CCDC60: variants seen among roughly 807,000 people sequenced by gnomAD.
The protein encoded by CCDC60 is coiled-coil domain containing 60, also known as coiled-coil domain-containing protein 60.
In CCDC60, 54 loss-of-function variants were observed where a neutral mutation model predicts 63.5. That is an observed-to-expected ratio of 0.85 (90% CI 0.68 to 1.07). The LOEUF is 1.07. Among genes scored for constraint, CCDC60 ranks in the 50% least tolerant of loss-of-function variants. CCDC60 has a pLI of 0.00. For synonymous variants in CCDC60, 206 were observed against 238.8 expected, an observed-to-expected ratio of 0.86 and a Z score of 1.27; for missense variants, 651 against 684.3, an observed-to-expected ratio of 0.95 and a Z score of 0.54.
chr12:119,431,897 T>C (rs1950236073), intron 2 of CCDC60, among the ~76,000 whole-genome samples: 1 of 152,194 alleles, frequency 6.6e-6, no homozygotes, highest in African/African-American at 2.4e-5. Context: ...GCCAGGATGA[T>C]CTCGATCTCC....
intron 6 of CCDC60, among the ~76,000 whole-genome samples, chr12:119,504,016 T>C (rs1192850399): frequency 4.6e-5 from 7 of 152,326 alleles, no homozygotes; most frequent in Admixed American, 4.6e-4. Context: ...TTGAGCTCTT[T>C]CTCTGGGGCA....
At chr12:119,394,551 C>T (rs990261285) in intron 1 of CCDC60, among the ~76,000 whole-genome samples, 1 of 152,150 alleles carries the variant, frequency 6.6e-6, no homozygotes, top group Non-Finnish European at 1.5e-5. Context: ...CTAGTTACTC[C>T]CAGAATGAAT....
intron 4 of CCDC60, among the ~76,000 whole-genome samples, chr12:119,481,438 A>G (rs148876122): frequency 2.2e-3 from 338 of 152,210 alleles, no homozygotes; most frequent in African/African-American, 7.7e-3. Flanking sequence ...CTGAGAATGC[A>G]TATTCCTGAG....
Position 119,349,643 on chromosome 12 carries a change from G to A in CCDC60, c.90+14377G>A, listed in dbSNP as rs1004475099. On this transcript the variant is annotated intron_variant, in intron 1 of 13. Coordinates refer to ENST00000327554, the MANE Select transcript of CCDC60 (RefSeq NM_178499.5). ...CGTGAGCCACTGCGCCTGGCCCAGG[G>A]CGTGTTTCAAGGACACCCTGTTCAC... 2.0e-5 allele frequency among the ~76,000 whole-genome samples: 3 copies of A among 152,026 alleles called. No individual in the cohort carries two copies. The South Asian group carries it at 6.2e-4, about 32-fold the overall frequency.
chr12:119,487,383 C>T (rs990012555), intron 4 of CCDC60, among the ~76,000 whole-genome samples: 5 of 151,762 alleles, frequency 3.3e-5, no homozygotes, highest in African/African-American at 9.7e-5. Flanking sequence ...CTGCCACCTC[C>T]GCCTCTCAGG....
chr12:119,468,548 A>G (rs995572271), intron 2 of CCDC60, among the ~76,000 whole-genome samples: 1 of 152,230 alleles, frequency 6.6e-6, no homozygotes, highest in African/African-American at 2.4e-5. Flanking sequence ...GCTGAGAAGC[A>G]GGATTTAAAT....
intron 4 of CCDC60, among the ~76,000 whole-genome samples, chr12:119,487,002 T>C (rs1174678320): frequency 6.6e-6 from 1 of 151,962 alleles, no homozygotes; most frequent in Non-Finnish European, 1.5e-5. Context: ...GGAGAAATCT[T>C]GCGGGGAGGG....
At chr12:119,526,781 G>A (rs1479072618) in intron 11 of CCDC60, among the ~76,000 whole-genome samples, 1 of 152,174 alleles carries the variant, frequency 6.6e-6, no homozygotes, top group Non-Finnish European at 1.5e-5. Flanking sequence ...GTGAGGTCAT[G>A]GAGAAAAAGG....
intron 2 of CCDC60, among the ~76,000 whole-genome samples, chr12:119,436,059 C>G (rs1250998347): frequency 6.6e-6 from 1 of 152,136 alleles, no homozygotes; most frequent in Non-Finnish European, 1.5e-5. Context: ...TAGGAACTGG[C>G]AAAATGTCAC....
intron 1 of CCDC60, among the ~76,000 whole-genome samples, chr12:119,419,274 C>T (rs7296648): frequency 0.1 from 15,384 of 152,242 alleles, 858 homozygotes; most frequent in African/African-American, 0.15. Context: ...CAGACATTGA[C>T]ATCTTTTAAG....
At chr12:119,465,155 C>A (rs1293794027) in intron 2 of CCDC60, among the ~76,000 whole-genome samples, 1 of 151,138 alleles carries the variant, frequency 6.6e-6, no homozygotes, top group Non-Finnish European at 1.5e-5. Flanking sequence ...ACTAAAAATA[C>A]AAAAACAATT....
chr12:119,475,840 TTA>T (rs1305088977), intron 3 of CCDC60, among the ~76,000 whole-genome samples: 2 of 152,200 alleles, frequency 1.3e-5, no homozygotes, highest in African/African-American at 4.8e-5. Flanking sequence ...ATTGTTCCTA[TTA>T]TGACGCAATA....
intron 13 of CCDC60, among the ~76,000 whole-genome samples, chr12:119,540,380 C>T (rs923701810): frequency 1.1e-4 from 16 of 152,162 alleles, no homozygotes; most frequent in African/African-American, 3.1e-4. Flanking sequence ...TTCCTTGCAT[C>T]GATAGCAACA....
chr12:119,501,737 A>G (rs948392831), intron 6 of CCDC60, among the ~76,000 whole-genome samples: 3 of 152,186 alleles, frequency 2.0e-5, no homozygotes, highest in Non-Finnish European at 2.9e-5. Flanking sequence ...CTTCAGGGAT[A>G]TTCACCACTA....
intron 1 of CCDC60, among the ~76,000 whole-genome samples, chr12:119,340,135 G>A (rs1955517408): frequency 6.6e-6 from 1 of 152,152 alleles, no homozygotes; most frequent in Admixed American, 6.6e-5. Flanking sequence ...ACTATCACCT[G>A]TTTCAATTAT....
At chr12:119,444,675 A>C (rs1484856652) in intron 2 of CCDC60, among the ~76,000 whole-genome samples, 1 of 152,218 alleles carries the variant, frequency 6.6e-6, no homozygotes, top group African/African-American at 2.4e-5. Flanking sequence ...CAGGTCCTCC[A>C]AGGTCTTAGA....
At chr12:119,376,793 G>C (rs1282321720) in intron 1 of CCDC60, among the ~76,000 whole-genome samples, 2 of 152,200 alleles carry the variant, frequency 1.3e-5, no homozygotes, top group South Asian at 4.2e-4. Context: ...CTACTTTATA[G>C]GCAATGGTAT....
intron 5 of CCDC60, among the ~76,000 whole-genome samples, chr12:119,493,757 G>A (rs1222700605): frequency 6.6e-6 from 1 of 152,152 alleles, no homozygotes; most frequent in Non-Finnish European, 1.5e-5. Context: ...GGCAAAGTAG[G>A]ATCTGATTTT....
intron 1 of CCDC60, among the ~76,000 whole-genome samples, chr12:119,385,677 G>T (rs2136189162): frequency 6.6e-6 from 1 of 152,326 alleles, no homozygotes; most frequent in East Asian, 1.9e-4. Context: ...CAAAAGGGCA[G>T]GGAGATAGAA....
Sources: gnomAD v4.1 joint callset for allele counts (sites outside exome capture counted in the v4.1 genomes callset) on GRCh38, gnomAD v4.1.1 for gene constraint, MANE v1.5 for transcripts, NCBI Gene and HGNC (gene_info 2026-07-23, HGNC 2026-07-21) for gene names.